NXPH2: variants seen among roughly 807,000 people sequenced by gnomAD.
NXPH2 encodes the protein neurexophilin 2.
A neutral mutation model predicts 19.8 loss-of-function variants in NXPH2; 5 were observed. The ratio of observed to expected loss-of-function variants is 0.25; its 90% CI spans 0.13 to 0.53. The LOEUF is 0.53. NXPH2 is among the 20% of genes least tolerant of loss of function. The pLI is 0.96. For synonymous variants in NXPH2, 154 were observed against 127.4 expected, an observed-to-expected ratio of 1.21 and a Z score of -1.41; for missense variants, 289 against 322.8, an observed-to-expected ratio of 0.90 and a Z score of 0.80.
At chr2:138,773,425 G>T (rs756788377) in intron 1 of NXPH2, among the ~76,000 whole-genome samples, 1 of 151,956 alleles carries the variant, frequency 6.6e-6, no homozygotes, top group Non-Finnish European at 1.5e-5. Flanking sequence ...GATGCTTTAT[G>T]GTCCCTAGTC....
chr2:138,686,260 T>C (rs1379524153), intron 1 of NXPH2, among the ~76,000 whole-genome samples: 2 of 152,140 alleles, frequency 1.3e-5, no homozygotes, highest in African/African-American at 2.4e-5. Context: ...GGGGTCTTCT[T>C]TCTCTTCTCT....
chr2:138,772,623 C>G (rs1682197517), intron 1 of NXPH2, among the ~76,000 whole-genome samples: 1 of 152,118 alleles, frequency 6.6e-6, no homozygotes, highest in Non-Finnish European at 1.5e-5. Flanking sequence ...AAATAGAACT[C>G]CAGATTAAAG....
chr2:138,671,540 A>ATGT lies in NXPH2; in HGVS notation c.176_177insACA (p.Phe59delinsLeuHis). On this transcript the variant is annotated protein_altering_variant, in exon 2 of 2. Coordinates refer to ENST00000272641, the MANE Select transcript of NXPH2 (RefSeq NM_007226.3). ...GCTTGGGCACCGGAGACTGTTTAAC[A>ATGT]AACAGGCGCAGGGGACTGATGATCC... 1 of 1,614,014 alleles carries ATGT rather than the reference A, an allele frequency of 6.2e-7. No homozygotes were observed. The highest frequency in any genetic ancestry group is 8.5e-7 in the Non-Finnish European group (1 of 1,179,878).
At chr2:138,690,666 T>C (rs939897843) in intron 1 of NXPH2, among the ~76,000 whole-genome samples, 4 of 152,152 alleles carry the variant, frequency 2.6e-5, no homozygotes, top group African/African-American at 4.8e-5. Flanking sequence ...TCACCATCTC[T>C]CACTAGGCTG....
intron 1 of NXPH2, among the ~76,000 whole-genome samples, chr2:138,722,565 T>A (rs543825841): frequency 1.3e-5 from 2 of 152,184 alleles, no homozygotes; most frequent in South Asian, 2.1e-4. Flanking sequence ...TCCCTAAGAC[T>A]GCAGTGTTGA....
intron 1 of NXPH2, among the ~76,000 whole-genome samples, chr2:138,754,165 C>T (rs1447182751): frequency 2.6e-5 from 4 of 152,064 alleles, no homozygotes; most frequent in Admixed American, 2.6e-4. Flanking sequence ...GTATTTCATC[C>T]TGAAATCCCC....
rs537847391 is a variant in NXPH2 at position 138,774,727 on chromosome 2, A to G, written c.51+5464T>C. Among the ~76,000 whole-genome samples, 11 of 152,282 alleles carry G rather than the reference A, an allele frequency of 7.2e-5. No homozygotes were observed. In the East Asian group the frequency reaches 2.1e-3, roughly 29 times the overall value. On this transcript the variant is annotated intron_variant, in intron 1 of 1. Coordinates refer to ENST00000272641, the MANE Select transcript of NXPH2 (RefSeq NM_007226.3). Reference sequence around the variant, plus strand: ...GACCAACTCTATTTTGTTGACTGCTATGTTCTCACTGCTTGCTGTAGTCTC... The same window carrying G: ...GACCAACTCTATTTTGTTGACTGCTGTGTTCTCACTGCTTGCTGTAGTCTC...
intron 1 of NXPH2, among the ~76,000 whole-genome samples, chr2:138,712,502 A>G (rs1367028837): frequency 6.6e-6 from 1 of 152,044 alleles, no homozygotes; most frequent in African/African-American, 2.4e-5. Flanking sequence ...TCATCACAAC[A>G]TTGCCCCCCA....
At chr2:138,751,375 T>A (rs950483376) in intron 1 of NXPH2, among the ~76,000 whole-genome samples, 2 of 152,186 alleles carry the variant, frequency 1.3e-5, no homozygotes, top group African/African-American at 4.8e-5. Flanking sequence ...AAATTTGGAA[T>A]GTATTCCAAA....
rs146226335 is a variant in NXPH2, at chr2:138,677,072, C to A, written c.52-5407G>T. Among the ~76,000 whole-genome samples, 783 of 152,282 alleles carry A rather than the reference C, an allele frequency of 5.1e-3. 8 individuals carry two copies. Among genetic ancestry groups the A allele is most frequent in the African/African-American group, 0.018 (735 of 41,542 alleles). On this transcript the variant is annotated intron_variant, in intron 1 of 1. Coordinates refer to ENST00000272641, the MANE Select transcript of NXPH2 (RefSeq NM_007226.3). ...CAGACAATTTCTGTGATACAACATG[C>A]TGTGAGAAGAATGTAGGTGGCTCTG...
chr2:138,688,327 G>T (rs1389153135), intron 1 of NXPH2, among the ~76,000 whole-genome samples: 1 of 152,150 alleles, frequency 6.6e-6, no homozygotes, highest in Non-Finnish European at 1.5e-5. Context: ...GGGATTACAG[G>T]CACGTGCCAC....
chr2:138,773,181 G>A (rs1284578591), intron 1 of NXPH2, among the ~76,000 whole-genome samples: 2 of 152,222 alleles, frequency 1.3e-5, no homozygotes, highest in African/African-American at 2.4e-5. Context: ...TGGAGACACC[G>A]GCTTGGAGCC....
At chr2:138,727,247 G>C (rs1681373351) in intron 1 of NXPH2, among the ~76,000 whole-genome samples, 1 of 152,140 alleles carries the variant, frequency 6.6e-6, no homozygotes, top group South Asian at 2.1e-4. Context: ...CCATGCTCAG[G>C]CTTTTGTGTG....
At chr2:138,752,805 C>A (rs1441329855) in intron 1 of NXPH2, among the ~76,000 whole-genome samples, 2 of 152,056 alleles carry the variant, frequency 1.3e-5, no homozygotes, top group Non-Finnish European at 2.9e-5. Flanking sequence ...GAATGCTGGT[C>A]AGGTTTTTAA....
intron 1 of NXPH2, among the ~76,000 whole-genome samples, chr2:138,762,051 T>C (rs1682026045): frequency 6.6e-6 from 1 of 152,208 alleles, no homozygotes; most frequent in African/African-American, 2.4e-5. Flanking sequence ...TTGGAAAATA[T>C]ACTAAGCAGA....
intron 1 of NXPH2, among the ~76,000 whole-genome samples, chr2:138,714,367 T>C (rs534228288): frequency 6.6e-6 from 1 of 152,322 alleles, no homozygotes; most frequent in East Asian, 1.9e-4. Flanking sequence ...CTGTCCTATA[T>C]CCCACTTAAT....
intron 1 of NXPH2, among the ~76,000 whole-genome samples, chr2:138,748,015 T>C (rs1447795241): frequency 6.6e-6 from 1 of 152,170 alleles, no homozygotes; most frequent in African/African-American, 2.4e-5. Context: ...CCCTCTGACA[T>C]AGTTTTGATG....
chr2:138,744,939 C>T lies in NXPH2; in HGVS notation c.51+35252G>A, dbSNP rs181698148. On this transcript the variant is annotated intron_variant, in intron 1 of 1. Transcript: ENST00000272641. ...TTCCTGGAGAGTGCAGGACTCTTAG[C>T]CACGCAGGCTTTAGGTGCAAGTACA... 3.9e-5 allele frequency among the ~76,000 whole-genome samples: 6 copies of T among 152,292 alleles called. No individual in the cohort carries two copies. The East Asian group carries it at 9.7e-4, about 25-fold the overall frequency.
At chr2:138,700,909 C>A (rs994633638) in intron 1 of NXPH2, among the ~76,000 whole-genome samples, 23 of 152,050 alleles carry the variant, frequency 1.5e-4, no homozygotes, top group African/African-American at 5.3e-4. Context: ...CTGTTCTCAT[C>A]CCCTGGAGTC....
Sources: allele counts gnomAD v4.1 joint callset (sites outside exome capture counted in the v4.1 genomes callset), GRCh38; gene constraint gnomAD v4.1.1; transcripts MANE v1.5; gene names NCBI Gene and HGNC (gene_info 2026-07-23, HGNC 2026-07-21).